SUPT3H: variants seen among roughly 807,000 people sequenced by gnomAD.
SUPT3H encodes the protein transcription initiation protein SPT3 homolog.
In SUPT3H, 44 loss-of-function variants were observed where a neutral mutation model predicts 44.3. The observed-to-expected ratio is 0.99, with a 90% CI of 0.78 to 1.28. The LOEUF is 1.28. SUPT3H is among the 50% of genes most tolerant of loss of function. SUPT3H has a pLI of 0.00. For missense variants in SUPT3H, 380 were observed against 387.1 expected (o/e 0.98, Z 0.15); for synonymous variants, 124 against 125.6 (o/e 0.99, Z 0.09).
intron 10 of SUPT3H, among the ~76,000 whole-genome samples, chr6:44,929,785 T>TA (rs1484318489): frequency 6.8e-6 from 1 of 146,556 alleles, no homozygotes; most frequent in Non-Finnish European, 1.5e-5. Context: ...TTTTTTTTTT[T>TA]AGCAGCTTGA....
chr6:44,997,748 A>G (rs1781461401), intron 6 of SUPT3H, among the ~76,000 whole-genome samples: 1 of 151,876 alleles, frequency 6.6e-6, no homozygotes, highest in African/African-American at 2.4e-5. Flanking sequence ...AATATTTTTA[A>G]AACTATCATG....
chr6:45,309,768 T>C (rs541672803), intron 2 of SUPT3H, among the ~76,000 whole-genome samples: 6 of 151,852 alleles, frequency 4.0e-5, no homozygotes, highest in African/African-American at 1.4e-4. Context: ...AGAAATCACA[T>C]ATAACAGAGT....
chr6:45,264,094 C>T (rs182278550), intron 2 of SUPT3H, among the ~76,000 whole-genome samples: 6 of 151,678 alleles, frequency 4.0e-5, no homozygotes, highest in South Asian at 2.1e-4. Flanking sequence ...TGGTGGTACA[C>T]CAGAGAAGTA....
chr6:45,279,987 C>A (rs1340875906), intron 2 of SUPT3H, among the ~76,000 whole-genome samples: 1 of 152,146 alleles, frequency 6.6e-6, no homozygotes, highest in African/African-American at 2.4e-5. Flanking sequence ...ACAAGAACAA[C>A]AACTTTTGAG....
At chr6:44,945,374 C>A (rs1773175743) in intron 9 of SUPT3H, among the ~76,000 whole-genome samples, 2 of 152,094 alleles carry the variant, frequency 1.3e-5, no homozygotes, top group African/African-American at 4.8e-5. Flanking sequence ...TCAAAGCCTA[C>A]AAATGATTAA....
At chr6:44,911,366 C>T (rs1767018532) in intron 10 of SUPT3H, among the ~76,000 whole-genome samples, 1 of 152,126 alleles carries the variant, frequency 6.6e-6, no homozygotes, top group South Asian at 2.1e-4. Flanking sequence ...AATATCATAA[C>T]TATCTTCCAA....
At chr6:45,326,314 A>C (rs75974112) in intron 2 of SUPT3H, among the ~76,000 whole-genome samples, 3,941 of 152,034 alleles carry the variant, frequency 0.026, 187 homozygotes, top group African/African-American at 0.089. Context: ...TGATTCTGCT[A>C]TTATAGGTAC....
chr6:45,146,962 G>A (rs1056982631), intron 2 of SUPT3H, among the ~76,000 whole-genome samples: 1 of 152,062 alleles, frequency 6.6e-6, no homozygotes, highest in East Asian at 1.9e-4. Flanking sequence ...CATAATAATT[G>A]AGAACAACAA....
intron 2 of SUPT3H, among the ~76,000 whole-genome samples, chr6:45,136,291 C>G (rs758942892): frequency 2.6e-5 from 4 of 152,140 alleles, no homozygotes; most frequent in South Asian, 4.1e-4. Context: ...GTTTGGGTGA[C>G]AGACTTAGTC....
chr6:44,931,409 T>C (rs1435599756), intron 10 of SUPT3H, among the ~76,000 whole-genome samples: 1 of 152,140 alleles, frequency 6.6e-6, no homozygotes, highest in Non-Finnish European at 1.5e-5. Flanking sequence ...TTTAAATTCT[T>C]ACTTCCAATT....
chr6:45,061,728 T>TTA (rs11474526), intron 3 of SUPT3H, among the ~76,000 whole-genome samples: 147,701 of 152,190 alleles, frequency 0.97, 71,701 homozygotes, highest in East Asian at 1. Flanking sequence ...CTAAAATCCA[T>TTA]TATGACTATA....
At chr6:45,013,280 G>C (rs1436455422) in intron 5 of SUPT3H, among the ~76,000 whole-genome samples, 2 of 151,950 alleles carry the variant, frequency 1.3e-5, no homozygotes, top group Non-Finnish European at 2.9e-5. Flanking sequence ...CAGTATCATG[G>C]AGCTACCAGT....
At chr6:44,963,997 CA>C (rs56393801) in intron 6 of SUPT3H, among the ~76,000 whole-genome samples, 97 of 136,342 alleles carry the variant, frequency 7.1e-4, no homozygotes, top group African/African-American at 9.7e-4. Flanking sequence ...GACTCCGTTT[CA>C]AAAAAAAAAA....
At chr6:45,076,568 T>C (rs1795028852) in intron 3 of SUPT3H, among the ~76,000 whole-genome samples, 1 of 152,128 alleles carries the variant, frequency 6.6e-6, no homozygotes, top group Admixed American at 6.5e-5. Context: ...TTCCAAACTT[T>C]AGTCAATGAA....
intron 10 of SUPT3H, among the ~76,000 whole-genome samples, chr6:44,857,079 G>T (rs959897960): frequency 1.3e-5 from 2 of 152,098 alleles, no homozygotes; most frequent in African/African-American, 4.8e-5. Flanking sequence ...GAGACTCAAA[G>T]AAATAATCCC....
chr6:45,121,869 G>T (rs1277400554), intron 2 of SUPT3H, among the ~76,000 whole-genome samples: 6 of 151,624 alleles, frequency 4.0e-5, no homozygotes, highest in Admixed American at 6.6e-5. Context: ...GTAGAGACGG[G>T]GTTTCACCAT....
intron 10 of SUPT3H, among the ~76,000 whole-genome samples, chr6:44,868,333 A>T (rs2153428709): frequency 6.6e-6 from 1 of 152,354 alleles, no homozygotes; most frequent in East Asian, 1.9e-4. Context: ...AACGTAAAGT[A>T]AAATTTAAAA....
chr6:45,354,122 G>A (rs1047818578), intron 2 of SUPT3H, among the ~76,000 whole-genome samples: 16 of 152,106 alleles, frequency 1.1e-4, no homozygotes, highest in African/African-American at 3.1e-4. Flanking sequence ...GAAAAATTAG[G>A]AAGTTAGTAT....
At chr6:45,146,876 T>C (rs932578981) in intron 2 of SUPT3H, among the ~76,000 whole-genome samples, 2 of 152,056 alleles carry the variant, frequency 1.3e-5, no homozygotes, top group African/African-American at 2.4e-5. Flanking sequence ...AGAGCAATGG[T>C]AGGAAAAAAG....
Sources: allele counts gnomAD v4.1 joint callset (sites outside exome capture counted in the v4.1 genomes callset), GRCh38; gene constraint gnomAD v4.1.1; transcripts MANE v1.5; gene names NCBI Gene and HGNC (gene_info 2026-07-23, HGNC 2026-07-21).